IQGAP1: variants seen among roughly 807,000 people sequenced by gnomAD.
The protein encoded by IQGAP1 is IQ motif containing GTPase activating protein 1.
In IQGAP1, 66 loss-of-function variants were observed where a neutral mutation model predicts 215.6. The observed-to-expected ratio is 0.31, with a 90% CI of 0.25 to 0.38. The LOEUF (loss-of-function observed/expected upper bound fraction) is 0.38. IQGAP1 is among the 10% of genes least tolerant of loss of function. The pLI, the probability that IQGAP1 is intolerant of heterozygous loss-of-function variation, is 1.00. For missense variants in IQGAP1, 1,712 were observed against 1,997.1 expected (o/e 0.86, Z 2.72); for synonymous variants, 772 against 728.7 (o/e 1.06, Z -0.96).
At position 90,477,073 on chromosome 15, in the gene IQGAP1, C is replaced by G; in HGVS notation, c.2947C>G (p.Pro983Ala). 1 of 1,613,930 alleles carries G rather than the reference C, an allele frequency of 6.2e-7. No homozygotes were observed. Among genetic ancestry groups the G allele is most frequent in the Non-Finnish European group, 8.5e-7 (1 of 1,179,902 alleles). The change falls in exon 25 of 38, where the codon CCC becomes GCC. Residue 983 changes from proline (P) to alanine (A), a missense_variant. Pro to Ala is a conservative substitution (Grantham distance 27). Coordinates refer to ENST00000268182, the MANE Select transcript of IQGAP1 (RefSeq NM_003870.4). ...QHLFYLLQTN[P>A]TYLAKLIFQM... is the part of the protein sequence containing the mutation. ...TCCCTTGGTTTTATTTCAGACCAAT[C>G]CCACCTATCTGGCCAAGCTCATTTT...
intron 1 of IQGAP1, among the ~76,000 whole-genome samples, chr15:90,390,404 T>C (rs1272884845): frequency 1.3e-5 from 2 of 152,246 alleles, no homozygotes; most frequent in East Asian, 1.9e-4. Flanking sequence ...CTGCCACTTA[T>C]GTCTCAATAA....
At position 90,477,709 on chromosome 15, in the gene IQGAP1, C is replaced by T. The variant is rs1388244542; in HGVS notation, c.3149C>T (p.Thr1050Met). 1.2e-6 allele frequency: 2 copies of T among 1,613,794 alleles called. No homozygotes were observed. Among genetic ancestry groups the T allele is most frequent in the Non-Finnish European group, 1.7e-6 (2 of 1,179,814 alleles). The change falls in exon 26 of 38, where the codon ACG (threonine) becomes ATG (methionine). Residue 1050 changes from threonine (T) to methionine (M), a missense_variant. Transcript: ENST00000268182. ...CAAGAGATTGTGACAGGAAATCCTA[C>T]GGTTATTAAAATGGTTGTAAGTTTC... ...QIQEIVTGNP[T>M]VIKMVVSFNR...
At chr15:90,444,269 GTGTGTGTGTGTATA>G (rs1477724308) in intron 9 of IQGAP1, among the ~76,000 whole-genome samples, 152 of 116,166 alleles carry the variant, frequency 1.3e-3, no homozygotes, top group African/African-American at 5.4e-3. Context: ...GTGTGTGTGT[GTGTGTGTGTGTATA>G]TATATATTTT....
At chr15:90,476,220 C>T (rs117555778) in intron 23 of IQGAP1, among the ~76,000 whole-genome samples, 3,357 of 152,122 alleles carry the variant, frequency 0.022, 51 homozygotes, top group Middle Eastern at 0.027. Context: ...AGGTGTGAGC[C>T]GCTGCACCCA....
intron 31 of IQGAP1, 89 bp downstream of exon 31, chr15:90,486,221 C>T (rs1966124703): frequency 3.8e-6 from 3 of 781,570 alleles, no homozygotes; most frequent in Non-Finnish European, 6.5e-6. Context: ...TTGCACTATA[C>T]CAAACTCTGG....
intron 9 of IQGAP1, among the ~76,000 whole-genome samples, chr15:90,446,269 G>A (rs1481228547): frequency 6.6e-6 from 1 of 152,090 alleles, no homozygotes; most frequent in African/African-American, 2.4e-5. Context: ...AATCAGTTGT[G>A]AGCACATGTA....
chr15:90,484,202 C>T lies in IQGAP1; in HGVS notation c.3789-18C>T, dbSNP rs1015343699. Reference sequence around the variant, plus strand: ...TGTATGTCCCTTTTTGGGGGGCTGCCTCCTGTGCTTATTTCAGACGGTTTT... The same window carrying T: ...TGTATGTCCCTTTTTGGGGGGCTGCTTCCTGTGCTTATTTCAGACGGTTTT... On this transcript the variant is annotated intron_variant, in intron 29 of 37. Transcript: ENST00000268182. 6 of 1,611,430 alleles carry T rather than the reference C, an allele frequency of 3.7e-6. No homozygotes were observed. The African/African-American group carries it at 4.0e-5, about 11-fold the overall frequency.
At chr15:90,482,893 G>T (rs184558910) in intron 28 of IQGAP1, 222 of 210,014 alleles carry the variant, frequency 1.1e-3, no homozygotes, top group African/African-American at 5.1e-3. Context: ...GCATGAGAAT[G>T]TTGGGAGGTG....
At chr15:90,446,730 A>G (rs1053257206) in intron 9 of IQGAP1, among the ~76,000 whole-genome samples, 5 of 152,226 alleles carry the variant, frequency 3.3e-5, no homozygotes, top group Non-Finnish European at 5.9e-5. Flanking sequence ...CAATGAGGCC[A>G]TTGATGCTGC....
At chr15:90,424,838 T>TA (rs951002276) in intron 2 of IQGAP1, among the ~76,000 whole-genome samples, 1,877 of 141,096 alleles carry the variant, frequency 0.013, 32 homozygotes, top group African/African-American at 0.045. Flanking sequence ...GACTCCAACT[T>TA]AAAAAAAAAA....
intron 15 of IQGAP1, among the ~76,000 whole-genome samples, chr15:90,457,233 G>C (rs772942399): frequency 5.3e-5 from 8 of 151,926 alleles, no homozygotes; most frequent in Middle Eastern, 3.4e-3. Context: ...TATTTAAGTG[G>C]GATCATACCT....
At chr15:90,490,212 CAG>C (rs1214578604) in intron 33 of IQGAP1, among the ~76,000 whole-genome samples, 1 of 152,196 alleles carries the variant, frequency 6.6e-6, no homozygotes, top group Non-Finnish European at 1.5e-5. Flanking sequence ...TCTGTCAACA[CAG>C]AGGCAGTCAA....
intron 15 of IQGAP1, among the ~76,000 whole-genome samples, chr15:90,458,673 T>C (rs8029551): frequency 0.014 from 2,141 of 152,280 alleles, 41 homozygotes; most frequent in African/African-American, 0.048. Context: ...ACTAATCTAA[T>C]AAAATGAATC....
intron 2 of IQGAP1, among the ~76,000 whole-genome samples, chr15:90,414,979 C>T (rs1046077269): frequency 6.6e-6 from 1 of 152,114 alleles, no homozygotes; most frequent in African/African-American, 2.4e-5. Flanking sequence ...AGAAAAAAAC[C>T]TTCTCTTTTC....
chr15:90,418,839 C>G (rs182383932), intron 2 of IQGAP1, among the ~76,000 whole-genome samples: 1 of 152,060 alleles, frequency 6.6e-6, no homozygotes, highest in African/African-American at 2.4e-5. Flanking sequence ...GAGGAAGTAT[C>G]CTGTAGCAAT....
chr15:90,488,211 A>G (rs920559501), intron 33 of IQGAP1, among the ~76,000 whole-genome samples: 3 of 148,762 alleles, frequency 2.0e-5, no homozygotes, highest in East Asian at 2.0e-4. Flanking sequence ...ACAGAGCGAG[A>G]CTCCGTCTCA....
rs764800901 is a variant in IQGAP1, at chr15:90,390,893, AG to A, written c.155+21del. On this transcript the variant is annotated intron_variant, in intron 2 of 37. Transcript: ENST00000268182. Reference sequence around the variant, plus strand: ...GAAGAGGTAAAGATTGGCTGGCTGGAGAGAAGATTAAGAGAAGGGAACTGAT... The same window carrying A: ...GAAGAGGTAAAGATTGGCTGGCTGGAAGAAGATTAAGAGAAGGGAACTGAT... The A allele has an allele frequency of 7.0e-7, 1 of 1,419,988 alleles. No individual in the cohort carries two copies. Among genetic ancestry groups the A allele is most frequent in the Non-Finnish European group, 1.0e-6 (1 of 1,003,072 alleles). The allele number at this position is 1,419,988 out of a possible 1,614,324, so 88.0% of individuals were successfully genotyped here.
At position 90,441,635 on chromosome 15, in the gene IQGAP1, A is replaced by G. The variant is rs769512178; in HGVS notation, c.779A>G (p.Asp260Gly). The change falls in exon 8 of 38, where the codon GAT becomes GGT. Residue 260 changes from aspartate (D) to glycine (G), a missense_variant. Coordinates refer to ENST00000268182, the MANE Select transcript of IQGAP1 (RefSeq NM_003870.4). ...GAGCCCTTGGCATCCACTTACCAGG[A>G]TATACTTTACCAGGCTAAGCAGGAC... ...LEEPLASTYQ[D>G]ILYQAKQDKM... 1.2e-6 allele frequency: 2 copies of G among 1,613,916 alleles called. No homozygotes were observed.
At chr15:90,496,305 C>CTTTTTTTTTTTTT (rs1966272249) in intron 36 of IQGAP1, among the ~76,000 whole-genome samples, 1 of 118,204 alleles carries the variant, frequency 8.5e-6, no homozygotes, top group African/African-American at 4.1e-5. Flanking sequence ...CAGCATAATC[C>CTTTTTTTTTTTTT]CTTTTTTTTT....
Sources: gnomAD v4.1 joint callset for allele counts (sites outside exome capture counted in the v4.1 genomes callset) on GRCh38, gnomAD v4.1.1 for gene constraint, MANE v1.5 for transcripts, NCBI Gene and HGNC (gene_info 2026-07-23, HGNC 2026-07-21) for gene names.